Variants in FBN1 observed in about 807,000 individuals in gnomAD.
The protein encoded by FBN1 is fibrillin 1.
FBN1 carries 29 observed loss-of-function variants against 365.1 expected under a neutral mutation model. The observed-to-expected ratio is 0.08, with a 90% confidence interval of 0.06 to 0.11. The LOEUF (loss-of-function observed/expected upper bound fraction) is 0.11, where lower values mean the gene tolerates loss of function less well. FBN1 is among the 10% of genes least tolerant of loss of function. The pLI, the probability that FBN1 is intolerant of heterozygous loss-of-function variation, is 1.00. For synonymous variants in FBN1, 1,210 were observed against 1,270.5 expected (o/e 0.95, Z 1.01); for missense variants, 2,476 against 3,703.2 (o/e 0.67, Z 8.60).
chr15:48,630,994 A>ATC (rs1889978884), intron 2 of FBN1, among the ~76,000 whole-genome samples: 1 of 152,150 alleles, frequency 6.6e-6, no homozygotes, highest in Non-Finnish European at 1.5e-5. Context: ...GCAACTTCTT[A>ATC]GAGTTTACTG....
At chr15:48,620,893 C>G (rs926282900) in intron 2 of FBN1, among the ~76,000 whole-genome samples, 4 of 152,088 alleles carry the variant, frequency 2.6e-5, no homozygotes, top group African/African-American at 9.7e-5. Flanking sequence ...AGGAAATAGA[C>G]AAGCTGAATC....
chr15:48,594,708 A>G (rs183863491), intron 6 of FBN1, among the ~76,000 whole-genome samples: 36 of 152,306 alleles, frequency 2.4e-4, no homozygotes, highest in Admixed American at 2.3e-3. Context: ...CTTTGCAGCA[A>G]ATCTTTAACC....
intron 53 of FBN1, among the ~76,000 whole-genome samples, chr15:48,436,630 T>G (rs1345322561): frequency 6.6e-6 from 1 of 152,222 alleles, no homozygotes; most frequent in Non-Finnish European, 1.5e-5. Context: ...CCATTAACAA[T>G]TTTTAAAAAA....
At chr15:48,469,079 A>T (rs184616689) in intron 36 of FBN1, among the ~76,000 whole-genome samples, 2,283 of 98,722 alleles carry the variant, frequency 0.023, 40 homozygotes, top group South Asian at 0.041. Context: ...AAAAAAAAAA[A>T]ATATATATAT....
intron 6 of FBN1, among the ~76,000 whole-genome samples, chr15:48,544,622 G>A (rs1284969832): frequency 6.6e-6 from 1 of 152,186 alleles, no homozygotes; most frequent in African/African-American, 2.4e-5. Context: ...CCAAAATCCA[G>A]GCCATAGTTC....
rs147004758 is a variant in FBN1, at chr15:48,591,401, A to C, written c.538+4882T>G. 1.9e-3 allele frequency among the ~76,000 whole-genome samples: 284 copies of C among 152,336 alleles called. 1 individual carries two copies. The South Asian group carries it at 0.022, about 12-fold the overall frequency. On this transcript the variant is annotated intron_variant, in intron 6 of 65. Coordinates refer to ENST00000316623, the MANE Select transcript of FBN1 (RefSeq NM_000138.5). ...ACATTTTGAGCTGTTGTAATATTAC[A>C]AGAAAATGATATAACTTTCCATGAT...
At chr15:48,461,818 A>C (rs1480309013) in intron 42 of FBN1, among the ~76,000 whole-genome samples, 2 of 152,210 alleles carry the variant, frequency 1.3e-5, no homozygotes, top group Non-Finnish European at 2.9e-5. Context: ...AGCTCTAAAA[A>C]AGTTTTATTT....
chr15:48,555,319 C>T (rs560547589), intron 6 of FBN1, among the ~76,000 whole-genome samples: 8 of 152,322 alleles, frequency 5.3e-5, no homozygotes, highest in East Asian at 1.9e-4. Flanking sequence ...GATTCACCTC[C>T]GCAGAGTCAC....
intron 6 of FBN1, among the ~76,000 whole-genome samples, chr15:48,558,640 A>G (rs2044200207): frequency 6.6e-6 from 1 of 152,258 alleles, no homozygotes; most frequent in African/African-American, 2.4e-5. Flanking sequence ...GCACATACTA[A>G]TAAAACAACA....
intron 43 of FBN1, among the ~76,000 whole-genome samples, chr15:48,457,656 T>A (rs2043251408): frequency 6.6e-6 from 1 of 152,126 alleles, no homozygotes; most frequent in South Asian, 2.1e-4. Context: ...ATAAGAGTAG[T>A]AATAGTAGTA....
At chr15:48,604,256 C>G (rs1342987868) in intron 4 of FBN1, among the ~76,000 whole-genome samples, 1 of 152,148 alleles carries the variant, frequency 6.6e-6, no homozygotes, top group Admixed American at 6.5e-5. Flanking sequence ...GCAGGCACAA[C>G]TGGCAGGAAG....
intron 65 of FBN1, 54 bp downstream of exon 65, chr15:48,412,515 C>A: frequency 6.3e-7 from 1 of 1,591,226 alleles, no homozygotes; most frequent in South Asian, 1.1e-5. Flanking sequence ...CCACAGGAAT[C>A]TGGAAGGGCT....
chr15:48,580,330 G>A (rs903140049), intron 6 of FBN1, among the ~76,000 whole-genome samples: 1 of 152,164 alleles, frequency 6.6e-6, no homozygotes, highest in Non-Finnish European at 1.5e-5. Flanking sequence ...ACGTGGTAGA[G>A]CCCCTGCCCT....
Position 48,441,783 on chromosome 15 carries a change from C to A in FBN1, c.6101G>T (p.Gly2034Val), listed in dbSNP as rs1310781536. Residue 2034 changes from glycine to valine, a missense_variant, in exon 50 of 66, where the codon GGC (glycine) becomes GTC (valine). Physicochemically the swap from Gly to Val is moderately radical, Grantham distance 109. This residue lies in a region of FBN1 where 1,780 missense variants were observed against 2,840.8 expected (regional missense o/e 0.63). Coordinates refer to ENST00000316623, the MANE Select transcript of FBN1 (RefSeq NM_000138.5). ...TTCTGGACACAGACATTTGAAGCTG[C>A]CTTCAGTGTTACTGCATGTGCCCAG... The part of the protein sequence containing the change: ...CALGTCSNTE[G>V]SFKCLCPEGF... The A allele has an allele frequency of 6.2e-7, 1 of 1,613,662 alleles. No homozygotes were observed. Among genetic ancestry groups the A allele is most frequent in the South Asian group, 1.1e-5 (1 of 91,082 alleles).
chr15:48,468,411 C>T lies in FBN1; in HGVS notation c.4582+1G>A, dbSNP rs1555397195. On this transcript the variant is annotated splice_donor_variant, in intron 37 of 65. Coordinates refer to ENST00000316623, the MANE Select transcript of FBN1 (RefSeq NM_000138.5). LOFTEE classifies it high-confidence loss of function. The stretch of plus-strand genomic sequence containing the variant: ...TCTCTGAAAAGTTTTTAAGGTCTTA[C>T]CAACACAGCCAACTCGAGTTGGGTT... The T allele has an allele frequency of 6.2e-7, 1 of 1,613,896 alleles. No individual in the cohort carries two copies.
At position 48,526,191 on chromosome 15, in the gene FBN1, GCTGA is replaced by G; in HGVS notation, c.923_926del (p.Val308AlafsTer21). The G allele has an allele frequency of 6.2e-7, 1 of 1,614,002 alleles. No individual in the cohort carries two copies. Among genetic ancestry groups the G allele is most frequent in the Non-Finnish European group, 8.5e-7 (1 of 1,179,908 alleles). On this transcript the variant is annotated frameshift_variant, in exon 9 of 66. Coordinates refer to ENST00000316623, the MANE Select transcript of FBN1 (RefSeq NM_000138.5). LOFTEE classifies it high-confidence loss of function. ...CAGGGGGACATTTGCAAAAGTAACT[GCTGA>G]CTGTGTTTGTACATTCACCCCCTTC...
chr15:48,539,849 T>C (rs1026744868), intron 6 of FBN1, among the ~76,000 whole-genome samples: 2 of 152,208 alleles, frequency 1.3e-5, no homozygotes, highest in Non-Finnish European at 2.9e-5. Context: ...TTTTTAGTTT[T>C]ATATAGTCAA....
At chr15:48,538,479 G>A (rs1289965619) in intron 6 of FBN1, among the ~76,000 whole-genome samples, 1 of 152,152 alleles carries the variant, frequency 6.6e-6, no homozygotes, top group Non-Finnish European at 1.5e-5. Flanking sequence ...TGAAATCATT[G>A]TAACCCCTAG....
At chr15:48,636,796 G>A (rs560446118) in intron 2 of FBN1, among the ~76,000 whole-genome samples, 28 of 152,336 alleles carry the variant, frequency 1.8e-4, no homozygotes, top group African/African-American at 4.8e-4. Context: ...ATTGTGGGGC[G>A]CAGAGACAAG....
Sources: gnomAD v4.1 joint callset for allele counts (sites outside exome capture counted in the v4.1 genomes callset) on GRCh38, gnomAD v4.1.1 for gene constraint, gnomAD v4.1.1 regional missense constraint, MANE v1.5 for transcripts, NCBI Gene and HGNC (gene_info 2026-07-23, HGNC 2026-07-21) for gene names.